The following EIF5A2 variants were observed in gnomAD, a reference collection of about 807,000 sequenced individuals.
The protein encoded by EIF5A2 is eukaryotic translation initiation factor 5A-2.
EIF5A2 carries 15 observed loss-of-function variants against 16.4 expected under a neutral mutation model. The ratio of observed to expected loss-of-function variants is 0.92; its 90% CI spans 0.61 to 1.41. The LOEUF (loss-of-function observed/expected upper bound fraction) is 1.41, where lower values mean the gene tolerates loss of function less well. Ranked by LOEUF, EIF5A2 falls within the 40% of genes most tolerant of loss-of-function variation. The probability of loss-of-function intolerance (pLI) is 0.00; values close to 1 mark genes in which losing one functional copy is unlikely to be tolerated. For missense variants in EIF5A2, 144 were observed against 189.5 expected (o/e 0.76, Z 1.41); for synonymous variants, 48 against 61.1 (o/e 0.79, Z 1.00).
rs1230820745 is a variant in EIF5A2 at position 170,906,989 on chromosome 3, T to G, written c.270A>C (p.Gln90His). 3.2e-6 allele frequency: 5 copies of G among 1,582,064 alleles called. No individual in the cohort carries two copies. Among genetic ancestry groups the G allele is most frequent in the Non-Finnish European group, 4.3e-6 (5 of 1,155,116 alleles). The change falls in exon 3 of 5, where the codon CAA becomes CAC. Residue 90 changes from glutamine (Q) to histidine (H), a missense_variant and splice_region_variant. Physicochemically the swap from Gln to His is conservative, Grantham distance 24. Coordinates refer to ENST00000295822, the MANE Select transcript of EIF5A2 (RefSeq NM_020390.6). ...DVPNIKRNDY[Q>H]LICIQDGYLS... Reference sequence around the variant, plus strand: ...CATTCTAAAGAAAATCAGTGCTTACTTGATAATCATTTCTCTTAATATTTG... The same window carrying G: ...CATTCTAAAGAAAATCAGTGCTTACGTGATAATCATTTCTCTTAATATTTG...
chr3:170,907,962 C>T, intron 1 of EIF5A2, 121 bp from the exon 2 acceptor site: 1 of 709,480 alleles, frequency 1.4e-6, no homozygotes, highest in Non-Finnish European at 2.1e-6. Context: ...AAGGAACACC[C>T]ACCCTAGACT....
intron 3 of EIF5A2, among the ~76,000 whole-genome samples, chr3:170,896,573 G>A (rs1224099000): frequency 6.6e-6 from 1 of 152,138 alleles, no homozygotes; most frequent in Non-Finnish European, 1.5e-5. Flanking sequence ...CATGTAAGAT[G>A]TGCCTTGCTT....
In EIF5A2 at chr3:170,907,052, A is replaced by G. The variant is rs764867359; in HGVS notation, c.207T>C (p.Tyr69=). Residue 69 remains tyrosine (Y), a synonymous_variant, in exon 3 of 5, where the codon TAT becomes TAC. Coordinates refer to ENST00000295822, the MANE Select transcript of EIF5A2 (RefSeq NM_020390.6). ...VGIDIFTGKK[Y]EDICPSTHNM... The stretch of plus-strand genomic sequence containing the variant: ...TGTGAGTAGAAGGACAAATATCTTC[A>G]TATTTTTTGCCCGTGAAAATATCAA... The G allele has an allele frequency of 3.1e-6, 5 of 1,613,154 alleles. No homozygotes were observed. In the South Asian group the frequency reaches 4.4e-5, roughly 14 times the overall value.
chr3:170,897,248 A>T lies in EIF5A2; in HGVS notation c.271-2825T>A, dbSNP rs568067898. On this transcript the variant is annotated intron_variant, in intron 3 of 4. Coordinates refer to ENST00000295822, the MANE Select transcript of EIF5A2 (RefSeq NM_020390.6). ...CCTGACCATGTAGTAGAAAAGAAAA[A>T]CCCATTTTCTGGGAAGAAATTCAAG... 2.0e-4 allele frequency among the ~76,000 whole-genome samples: 31 copies of T among 152,246 alleles called. No individual in the cohort carries two copies. In the East Asian group the frequency reaches 4.5e-3, roughly 22 times the overall value.
At chr3:170,902,716 C>G (rs1712847769) in intron 3 of EIF5A2, among the ~76,000 whole-genome samples, 1 of 148,972 alleles carries the variant, frequency 6.7e-6, no homozygotes, top group Non-Finnish European at 1.5e-5. Flanking sequence ...TCAAGTGATT[C>G]TCCTGCCTTA....
chr3:170,908,355 T>G (rs2108297696), intron 1 of EIF5A2, among the ~76,000 whole-genome samples, 188 bp downstream of exon 1: 1 of 152,232 alleles, frequency 6.6e-6, no homozygotes, highest in Admixed American at 6.5e-5. Context: ...CATCCAGGGC[T>G]CAGCTCGGCC....
At chr3:170,903,908 T>C (rs1162832658) in intron 3 of EIF5A2, among the ~76,000 whole-genome samples, 5 of 152,254 alleles carry the variant, frequency 3.3e-5, no homozygotes, top group Admixed American at 2.6e-4. Context: ...ATATATACTT[T>C]ATGTGTCTAT....
rs1179825155 is a variant in EIF5A2, at chr3:170,888,450, C to T, written c.*4910G>A. ...TGTTAACTATTTTTATTTAATACAA[C>T]TGATGAAGTTAACAGACAAATATAT... On this transcript the variant is annotated 3_prime_UTR_variant, in exon 5 of 5. Coordinates refer to ENST00000295822, the MANE Select transcript of EIF5A2 (RefSeq NM_020390.6). 1.3e-5 allele frequency: 2 copies of T among 152,142 alleles called. No homozygotes were observed. The highest frequency in any genetic ancestry group is 2.9e-5 in the Non-Finnish European group (2 of 67,966). The allele number at this position is 152,142 out of a possible 1,614,324, so 9.4% of individuals were successfully genotyped here.
At chr3:170,904,591 C>A (rs1329825075) in intron 3 of EIF5A2, among the ~76,000 whole-genome samples, 2 of 152,248 alleles carry the variant, frequency 1.3e-5, no homozygotes, top group South Asian at 4.1e-4. Context: ...CCTCCCAAGG[C>A]TCAAGTGATC....
At position 170,900,366 on chromosome 3, in the gene EIF5A2, C is replaced by CAAA. The variant is rs1168908597; in HGVS notation, c.271-5946_271-5944dup. ...TGGGTGGCAGAGCACGACTCCATCT[C>CAAA]AAAAAAAAAAAAAAAAAAAAAAAGA... is the stretch of plus-strand genomic sequence containing the variant. On this transcript the variant is annotated intron_variant, in intron 3 of 4. Coordinates refer to ENST00000295822, the MANE Select transcript of EIF5A2 (RefSeq NM_020390.6). Among the ~76,000 whole-genome samples the CAAA allele has an allele frequency of 4.2e-3, 267 of 63,828 alleles. 1 individual carries two copies. Among genetic ancestry groups the CAAA allele is most frequent in the African/African-American group, 0.014 (231 of 16,420 alleles). The allele number at this position is 63,828 out of a possible 152,430, so 41.9% of individuals were successfully genotyped here.
chr3:170,901,519 C>CAACAGAAG (rs1199769026), intron 3 of EIF5A2, among the ~76,000 whole-genome samples: 1 of 151,090 alleles, frequency 6.6e-6, no homozygotes, highest in African/African-American at 2.4e-5. Context: ...TACTGATATA[C>CAACAGAAG]AACAGAAGGC....
chr3:170,907,993 G>A (rs1712984009), intron 1 of EIF5A2, among the ~76,000 whole-genome samples, 152 bp from the exon 2 acceptor site: 1 of 152,154 alleles, frequency 6.6e-6, no homozygotes, highest in Non-Finnish European at 1.5e-5. Context: ...TTCTAACTCT[G>A]GCCTCTACAA....
intron 3 of EIF5A2, among the ~76,000 whole-genome samples, chr3:170,904,475 A>C (rs1306505883): frequency 2.6e-5 from 4 of 152,168 alleles, no homozygotes; most frequent in Non-Finnish European, 4.4e-5. Flanking sequence ...ATAGCACAAT[A>C]AATATAAATA....
At chr3:170,907,937 G>T in intron 1 of EIF5A2, 96 bp from the exon 2 acceptor site, 1 of 957,112 alleles carries the variant, frequency 1.0e-6, no homozygotes. Flanking sequence ...TCATGGGCCC[G>T]TTATTTCTGC....
rs560634817 is a variant in EIF5A2 at position 170,897,642 on chromosome 3, G to A, written c.271-3219C>T. 5.3e-5 allele frequency among the ~76,000 whole-genome samples: 8 copies of A among 152,346 alleles called. No homozygotes were observed. The South Asian group carries it at 1.7e-3, about 32-fold the overall frequency. ...TTTGGGAGCCTCCGCCTAGATTTCA[G>A]AGGATGTATGAAATGCCTGGAGGTC... is the stretch of plus-strand genomic sequence containing the variant. On this transcript the variant is annotated intron_variant, in intron 3 of 4. Coordinates refer to ENST00000295822, the MANE Select transcript of EIF5A2 (RefSeq NM_020390.6).
At chr3:170,901,691 C>T (rs1351712467) in intron 3 of EIF5A2, among the ~76,000 whole-genome samples, 1 of 151,862 alleles carries the variant, frequency 6.6e-6, no homozygotes, top group Non-Finnish European at 1.5e-5. Flanking sequence ...CCGCCTGCCT[C>T]GGCCTCCCAA....
chr3:170,900,640 T>C (rs778752468), intron 3 of EIF5A2, among the ~76,000 whole-genome samples: 1 of 152,156 alleles, frequency 6.6e-6, no homozygotes, highest in African/African-American at 2.4e-5. Flanking sequence ...GAAACACAAA[T>C]ATGTTTAAAT....
intron 3 of EIF5A2, among the ~76,000 whole-genome samples, chr3:170,901,686 T>C (rs9849324): frequency 0.49 from 74,206 of 151,734 alleles, 19,860 homozygotes; most frequent in African/African-American, 0.73. Context: ...GTGATCCGCC[T>C]GCCTCGGCCT....
chr3:170,900,331 C>G (rs896909318), intron 3 of EIF5A2, among the ~76,000 whole-genome samples: 7 of 142,878 alleles, frequency 4.9e-5, no homozygotes, highest in African/African-American at 1.8e-4. Context: ...CACGCCGCTG[C>G]ACTCCAGCCT....
Sources: gnomAD v4.1 joint callset for allele counts (sites outside exome capture counted in the v4.1 genomes callset) on GRCh38, gnomAD v4.1.1 for gene constraint, MANE v1.5 for transcripts, NCBI Gene and HGNC (gene_info 2026-07-23, HGNC 2026-07-21) for gene names.